PAQR8: variants seen among roughly 807,000 people sequenced by gnomAD.
The protein encoded by PAQR8 is membrane progestin receptor beta.
A neutral mutation model predicts 25.2 loss-of-function variants in PAQR8; 17 were observed. The ratio of observed to expected loss-of-function variants is 0.67; its 90% CI spans 0.46 to 1.01. The LOEUF is 1.01. Among genes scored for constraint, PAQR8 ranks in the 50% least tolerant of loss-of-function variants. The probability of loss-of-function intolerance (pLI) is 0.00; values close to 1 mark genes in which losing one functional copy is unlikely to be tolerated. For synonymous variants in PAQR8, 204 were observed against 190.6 expected (o/e 1.07, Z -0.58); for missense variants, 392 against 448.4 (o/e 0.87, Z 1.14).
rs1277464134 is a variant in PAQR8 at position 52,403,726 on chromosome 6, G to A, written c.513G>A (p.Trp171Ter). ...TCTTCTACAGCTCTGACCAGGCCTG[G>A]TATGACCGGTTCTGGCTTTTCTTCT... Reference protein sequence around the residue: ...AHFFYSSDQAWYDRFWLFFLP... With the variant: ...AHFFYSSDQA Residue 171 changes from tryptophan to a stop codon, truncating the protein, a stop_gained, in exon 2 of 2, where the codon TGG (tryptophan) becomes TGA (stop). Coordinates refer to ENST00000442253, the MANE Select transcript of PAQR8 (RefSeq NM_133367.5). LOFTEE classifies it high-confidence loss of function. 1 of 1,614,114 alleles carries A rather than the reference G, an allele frequency of 6.2e-7. No homozygotes were observed. The highest frequency in any genetic ancestry group is 2.2e-5 in the East Asian group (1 of 44,896).
In PAQR8 at chr6:52,405,231, T is replaced by G. The variant is rs1040095720; in HGVS notation, c.*953T>G. ...TTTAAAAGCTCTTGGTAGGATTAGT[T>G]GGTTCTAAGGATCCCTCTAGGGACC... On this transcript the variant is annotated 3_prime_UTR_variant, in exon 2 of 2. Coordinates refer to ENST00000442253, the MANE Select transcript of PAQR8 (RefSeq NM_133367.5). 1 of 166,920 alleles carries G rather than the reference T, an allele frequency of 6.0e-6. No homozygotes were observed. Among genetic ancestry groups the G allele is most frequent in the African/African-American group, 2.4e-5 (1 of 41,422 alleles). 10.3% of individuals were successfully genotyped at this position (166,920 alleles called of 1,614,324 possible).
At chr6:52,398,867 C>T (rs1020807759) in intron 1 of PAQR8, among the ~76,000 whole-genome samples, 2 of 152,138 alleles carry the variant, frequency 1.3e-5, no homozygotes, top group Admixed American at 6.6e-5. Flanking sequence ...GAAATTTAAG[C>T]CCTTTTTACC....
chr6:52,403,842 A>G lies in PAQR8; in HGVS notation c.629A>G (p.Lys210Arg), dbSNP rs988702323. ...RYRRPYPVMR[K>R]ICQVVPAGLA... ...CGGAGGCCTTATCCAGTCATGAGGA[A>G]GATCTGTCAAGTGGTGCCAGCAGGT... is the stretch of plus-strand genomic sequence containing the variant. Residue 210 changes from lysine (K) to arginine (R), a missense_variant, in exon 2 of 2, where the codon AAG becomes AGG. Lys to Arg is a conservative substitution (Grantham distance 26, BLOSUM62 2). Transcript: ENST00000442253. The G allele has an allele frequency of 1.2e-6, 2 of 1,614,092 alleles. No homozygotes were observed. Among genetic ancestry groups the G allele is most frequent in the African/African-American group, 1.3e-5 (1 of 74,932 alleles).
At chr6:52,379,619 CT>C (rs909812638) in intron 1 of PAQR8, among the ~76,000 whole-genome samples, 253 of 77,236 alleles carry the variant, frequency 3.3e-3, no homozygotes, top group South Asian at 9.7e-3. Context: ...ACCCAGCTTT[CT>C]TTTTTTTTTT....
At chr6:52,374,143 C>G (rs538933628) in intron 1 of PAQR8, among the ~76,000 whole-genome samples, 81 of 152,188 alleles carry the variant, frequency 5.3e-4, no homozygotes, top group Non-Finnish European at 1.0e-3. Flanking sequence ...TGGGCAGATG[C>G]CAGCATCATG....
Position 52,404,367 on chromosome 6 carries a change from T to C in PAQR8, c.*89T>C, listed in dbSNP as rs2113954138. On this transcript the variant is annotated 3_prime_UTR_variant, in exon 2 of 2. Transcript: ENST00000442253. ...AGAAGCTGACTTTTAAGGCATTGGC[T>C]TTTAAATTAATACATATATCCAAGG... 3 of 1,217,708 alleles carry C rather than the reference T, an allele frequency of 2.5e-6. No homozygotes were observed. The highest frequency in any genetic ancestry group is 3.4e-6 in the Non-Finnish European group (3 of 886,512). 75.4% of individuals were successfully genotyped at this position (1,217,708 alleles called of 1,614,324 possible).
chr6:52,377,784 A>G (rs542027350), intron 1 of PAQR8, among the ~76,000 whole-genome samples: 7 of 151,404 alleles, frequency 4.6e-5, no homozygotes, highest in Non-Finnish European at 1.0e-4. Context: ...CTCTTAACCA[A>G]AACTTCCTAG....
At chr6:52,400,185 C>T (rs1488057112) in intron 1 of PAQR8, among the ~76,000 whole-genome samples, 1 of 152,154 alleles carries the variant, frequency 6.6e-6, no homozygotes, top group Non-Finnish European at 1.5e-5. Flanking sequence ...TGGTAGAAGA[C>T]CACTGTCTGA....
rs747371235 is a variant in PAQR8, at chr6:52,404,091, C to T, written c.878C>T (p.Thr293Met). 3.7e-6 allele frequency: 6 copies of T among 1,614,122 alleles called. No individual in the cohort carries two copies. Among genetic ancestry groups the T allele is most frequent in the East Asian group, 2.2e-5 (1 of 44,900 alleles). Reference sequence around the variant, plus strand: ...TTCCATGCATTTCTGTCCATCTGTACGCTCTCCCAGCTGGAGGCCATCCTC... The same window carrying T: ...TTCCATGCATTTCTGTCCATCTGTATGCTCTCCCAGCTGGAGGCCATCCTC... ...QIFHAFLSIC[T>M]LSQLEAILLD... The change falls in exon 2 of 2, where the codon ACG (threonine) becomes ATG (methionine). Residue 293 changes from threonine (T) to methionine (M), a missense_variant. By Grantham distance (81) the Thr-to-Met change is moderately conservative. Coordinates refer to ENST00000442253, the MANE Select transcript of PAQR8 (RefSeq NM_133367.5).
Position 52,398,204 on chromosome 6 carries a change from CTTTTTT to C in PAQR8, c.-52-4944_-52-4939del, listed in dbSNP as rs869285681. 2.0e-3 allele frequency among the ~76,000 whole-genome samples: 175 copies of C among 85,812 alleles called. 1 individual carries two copies. The highest frequency in any genetic ancestry group is 0.011 in the African/African-American group (155 of 13,552). The allele number at this position is 85,812 out of a possible 152,430, so 56.3% of individuals were successfully genotyped here. ...GTTTAGAATTTTTCTTTTCTTTTTT[CTTTTTT>C]TTTTTTTTTTTTTGAGGCAGAGTTT... On this transcript the variant is annotated intron_variant, in intron 1 of 1. Coordinates refer to ENST00000442253, the MANE Select transcript of PAQR8 (RefSeq NM_133367.5).
intron 1 of PAQR8, among the ~76,000 whole-genome samples, chr6:52,387,330 T>C (rs1763644770): frequency 6.6e-6 from 1 of 152,360 alleles, no homozygotes; most frequent in East Asian, 1.9e-4. Context: ...AGCTGATAGA[T>C]GTTCTTTCAC....
intron 1 of PAQR8, among the ~76,000 whole-genome samples, chr6:52,400,372 A>G (rs1003677007): frequency 6.6e-6 from 1 of 152,228 alleles, no homozygotes; most frequent in African/African-American, 2.4e-5. Context: ...GCACTTTGTT[A>G]AACACTTTAC....
chr6:52,373,925 T>G (rs911309001), intron 1 of PAQR8, among the ~76,000 whole-genome samples: 1 of 152,160 alleles, frequency 6.6e-6, no homozygotes, highest in Non-Finnish European at 1.5e-5. Context: ...AAGTGGGGCA[T>G]GGTGACTAGA....
intron 1 of PAQR8, among the ~76,000 whole-genome samples, chr6:52,401,029 T>C (rs969988163): frequency 1.7e-4 from 26 of 152,308 alleles, no homozygotes; most frequent in African/African-American, 5.8e-4. Context: ...ATATAATATA[T>C]AGAATTATGA....
intron 1 of PAQR8, among the ~76,000 whole-genome samples, chr6:52,398,418 G>T (rs751935144): frequency 5.9e-5 from 9 of 151,980 alleles, no homozygotes; most frequent in Non-Finnish European, 1.0e-4. Context: ...ATATTGGCCA[G>T]GCTGGTCTTG....
Position 52,403,763 on chromosome 6 carries a change from G to T in PAQR8, c.550G>T (p.Ala184Ser). 6.2e-7 allele frequency: 1 copy of T among 1,614,274 alleles called. No individual in the cohort carries two copies. Among genetic ancestry groups the T allele is most frequent in the Non-Finnish European group, 8.5e-7 (1 of 1,180,040 alleles). The change falls in exon 2 of 2, where the codon GCC becomes TCC. Residue 184 changes from alanine (A) to serine (S), a missense_variant. Coordinates refer to ENST00000442253, the MANE Select transcript of PAQR8 (RefSeq NM_133367.5). ...RFWLFFLPAA[A>S]FCGWLSCAGC... ...CTGGCTTTTCTTCTTGCCAGCAGCTGCCTTCTGTGGCTGGTTATCTTGTGC... is the reference window on the plus strand; with the variant it reads ...CTGGCTTTTCTTCTTGCCAGCAGCTTCCTTCTGTGGCTGGTTATCTTGTGC...
chr6:52,364,083 G>GTTATTTTTTTTTTT (rs1763322358), intron 1 of PAQR8, among the ~76,000 whole-genome samples: 1 of 84,268 alleles, frequency 1.2e-5, no homozygotes, highest in Non-Finnish European at 2.2e-5. Context: ...TGAAAGATAT[G>GTTATTTTTTTTTTT]TTTTTTTTTT....
chr6:52,377,423 A>C (rs1461389736), intron 1 of PAQR8, among the ~76,000 whole-genome samples: 2 of 152,156 alleles, frequency 1.3e-5, no homozygotes, highest in Non-Finnish European at 2.9e-5. Flanking sequence ...ATGCAACCTC[A>C]AAGAAGGAAA....
Position 52,363,767 on chromosome 6 carries a change from G to T in PAQR8, c.-53+1518G>T, listed in dbSNP as rs570336198. On this transcript the variant is annotated intron_variant, in intron 1 of 1. Transcript: ENST00000442253. ...TTATCCACAACGTGTACCCAGCCCT[G>T]AGCTGCTGCACCCTTGACCAGGTCA... is the stretch of plus-strand genomic sequence containing the variant. 3.3e-5 allele frequency among the ~76,000 whole-genome samples: 5 copies of T among 152,310 alleles called. No homozygotes were observed. In the East Asian group the frequency reaches 9.6e-4, roughly 29 times the overall value.
Sources: gnomAD v4.1 joint callset for allele counts (sites outside exome capture counted in the v4.1 genomes callset) on GRCh38, gnomAD v4.1.1 for gene constraint, MANE v1.5 for transcripts, NCBI Gene and HGNC (gene_info 2026-07-23, HGNC 2026-07-21) for gene names.